CARMIL1: variants seen among roughly 807,000 people sequenced by gnomAD.
CARMIL1 encodes the protein F-actin-uncapping protein LRRC16A.
Under a neutral mutation model 177.1 loss-of-function variants are expected in CARMIL1, and 90 were observed. The ratio of observed to expected loss-of-function variants is 0.51; its 90% CI spans 0.43 to 0.61. CARMIL1 has a LOEUF of 0.61. Among genes scored for constraint, CARMIL1 ranks in the 20% least tolerant of loss-of-function variants. The pLI is 0.00. For missense variants in CARMIL1, 1,380 were observed against 1,667.0 expected (o/e 0.83, Z 3.00); for synonymous variants, 577 against 606.2 (o/e 0.95, Z 0.71).
At position 25,564,785 on chromosome 6, in the gene CARMIL1, A is replaced by T. The variant is rs76421847; in HGVS notation, c.2742+7935A>T. Among the ~76,000 whole-genome samples, 1,393 of 152,248 alleles carry T rather than the reference A, an allele frequency of 9.1e-3. 15 individuals carry two copies. The highest frequency in any genetic ancestry group is 0.03 in the African/African-American group (1,245 of 41,524). On this transcript the variant is annotated intron_variant, in intron 29 of 36. Coordinates refer to ENST00000329474, the MANE Select transcript of CARMIL1 (RefSeq NM_017640.6). The stretch of plus-strand genomic sequence containing the variant: ...CATTGTCTTTACTCATTAAAAAAAA[A>T]ATATTGCTGTTACATATGGGCCTCA...
At chr6:25,417,426 G>A (rs1324337584) in intron 2 of CARMIL1, among the ~76,000 whole-genome samples, 1 of 152,146 alleles carries the variant, frequency 6.6e-6, no homozygotes, top group Non-Finnish European at 1.5e-5. Flanking sequence ...GAGTACTGCT[G>A]TATTAGCCAA....
chr6:25,479,880 A>G lies in CARMIL1; in HGVS notation c.875-2377A>G, dbSNP rs184431213. ...TAGATTTAACTCAAAATATTTTTAA[A>G]ATTCCCACTGTGATTTTTGACTCTT... On this transcript the variant is annotated intron_variant, in intron 11 of 36. Coordinates refer to ENST00000329474, the MANE Select transcript of CARMIL1 (RefSeq NM_017640.6). Among the ~76,000 whole-genome samples the G allele has an allele frequency of 3.9e-5, 6 of 152,230 alleles. No individual in the cohort carries two copies. In the East Asian group the frequency reaches 1.2e-3, roughly 29 times the overall value.
intron 13 of CARMIL1, among the ~76,000 whole-genome samples, chr6:25,489,080 G>A (rs1802945578): frequency 6.6e-6 from 1 of 152,132 alleles, no homozygotes; most frequent in African/African-American, 2.4e-5. Flanking sequence ...CAGGAGAAGT[G>A]CTTGAACCCT....
intron 5 of CARMIL1, among the ~76,000 whole-genome samples, chr6:25,436,058 C>G (rs187215848): frequency 4.9e-4 from 74 of 152,206 alleles, no homozygotes; most frequent in Non-Finnish European, 8.1e-4. Context: ...ATGTAAAAAT[C>G]CCTTTTTTTC....
intron 2 of CARMIL1, chr6:25,393,643 G>A (rs9461153): frequency 0.15 from 23,372 of 151,512 alleles, 1,927 homozygotes; most frequent in Non-Finnish European, 0.18. Flanking sequence ...GGAGGCTGAG[G>A]CGGGATGATC....
chr6:25,545,207 A>T (rs1189364654), intron 26 of CARMIL1, among the ~76,000 whole-genome samples: 1 of 152,174 alleles, frequency 6.6e-6, no homozygotes, highest in Non-Finnish European at 1.5e-5. Flanking sequence ...GCATTAGGAA[A>T]TGTTGGGTTA....
chr6:25,298,873 A>G (rs1782637855), intron 2 of CARMIL1, among the ~76,000 whole-genome samples: 1 of 151,480 alleles, frequency 6.6e-6, no homozygotes, highest in South Asian at 2.1e-4. Flanking sequence ...TCCTGCTTCA[A>G]ATTCCCGAGT....
intron 25 of CARMIL1, among the ~76,000 whole-genome samples, chr6:25,539,734 C>A (rs943358797): frequency 1.3e-5 from 2 of 151,398 alleles, no homozygotes; most frequent in Admixed American, 1.3e-4. Context: ...TCTCCTAATA[C>A]CCAGTCTAGT....
intron 2 of CARMIL1, among the ~76,000 whole-genome samples, chr6:25,368,628 G>T (rs963143703): frequency 6.6e-6 from 1 of 152,170 alleles, no homozygotes; most frequent in Non-Finnish European, 1.5e-5. Flanking sequence ...AGACCCACCT[G>T]ATTGGCAGTT....
chr6:25,514,550 C>CAAAAAAAAAAAAAAA (rs66490833), intron 20 of CARMIL1, among the ~76,000 whole-genome samples: 1 of 84,204 alleles, frequency 1.2e-5, no homozygotes. Context: ...GACCTTGTCT[C>CAAAAAAAAAAAAAAA]AAAAAAAAAA....
At chr6:25,395,671 G>A (rs1189198591) in intron 2 of CARMIL1, among the ~76,000 whole-genome samples, 1 of 152,116 alleles carries the variant, frequency 6.6e-6, no homozygotes, top group Non-Finnish European at 1.5e-5. Context: ...TGCTCATATA[G>A]TATTGCTCGC....
At chr6:25,590,175 T>C (rs1814156762) in intron 31 of CARMIL1, among the ~76,000 whole-genome samples, 1 of 152,240 alleles carries the variant, frequency 6.6e-6, no homozygotes, top group South Asian at 2.1e-4. Flanking sequence ...CTGTAATTTA[T>C]TCAGTTAAGA....
chr6:25,328,353 T>C (rs1212401315), intron 2 of CARMIL1, among the ~76,000 whole-genome samples: 2 of 146,610 alleles, frequency 1.4e-5, no homozygotes, highest in African/African-American at 5.2e-5. Context: ...ACTCTGTACA[T>C]GCTCAGTGTA....
At chr6:25,456,618 TA>T (rs1371425419) in intron 8 of CARMIL1, among the ~76,000 whole-genome samples, 1 of 152,220 alleles carries the variant, frequency 6.6e-6, no homozygotes, top group African/African-American at 2.4e-5. Context: ...GCTGACATGT[TA>T]AAAAATTTAA....
chr6:25,611,485 G>A (rs755823710), intron 36 of CARMIL1, among the ~76,000 whole-genome samples: 22 of 152,176 alleles, frequency 1.4e-4, no homozygotes, highest in Admixed American at 3.3e-4. Context: ...ACCACCAAGT[G>A]CGTCTCCCAT....
chr6:25,554,578 G>GT lies in CARMIL1; in HGVS notation c.2592+483dup, dbSNP rs1294613632. Among the ~76,000 whole-genome samples the GT allele has an allele frequency of 3.3e-5, 5 of 152,044 alleles. No homozygotes were observed. Among genetic ancestry groups the GT allele is most frequent in the South Asian group, 2.1e-4 (1 of 4,804 alleles). The stretch of plus-strand genomic sequence containing the variant: ...CACAGGTGCCTTGGATATAACCAAG[G>GT]TAAAAAAAAAATTTCTTCATCTAGA... On this transcript the variant is annotated intron_variant, in intron 28 of 36. Coordinates refer to ENST00000329474, the MANE Select transcript of CARMIL1 (RefSeq NM_017640.6). This position sits in a 1 kb window ranked among gnomAD's most constrained non-coding sequence, Gnocchi z 4.6.
intron 24 of CARMIL1, among the ~76,000 whole-genome samples, chr6:25,533,276 C>G (rs1245244560): frequency 1.3e-5 from 2 of 152,152 alleles, no homozygotes; most frequent in South Asian, 2.1e-4. Flanking sequence ...CCTTCTTCAT[C>G]TCTTGATAAA....
chr6:25,280,613 G>C (rs1781012679), intron 1 of CARMIL1, among the ~76,000 whole-genome samples: 1 of 151,824 alleles, frequency 6.6e-6, no homozygotes, highest in Admixed American at 6.6e-5. Context: ...TGGTGGTGGG[G>C]GCGGGGCTGG....
intron 2 of CARMIL1, among the ~76,000 whole-genome samples, chr6:25,357,559 A>C (rs575276294): frequency 2.0e-5 from 3 of 152,288 alleles, no homozygotes; most frequent in African/African-American, 7.2e-5. Flanking sequence ...ACTCTAGCCT[A>C]GGGGACAGAG....
Sources: allele counts gnomAD v4.1 joint callset (sites outside exome capture counted in the v4.1 genomes callset), GRCh38; gene constraint gnomAD v4.1.1; non-coding constraint Gnocchi (gnomAD v3.1); transcripts MANE v1.5; gene names NCBI Gene and HGNC (gene_info 2026-07-23, HGNC 2026-07-21).